ADGRV1: variants seen among roughly 807,000 people sequenced by gnomAD.
ADGRV1 encodes the protein adhesion G protein-coupled receptor V1.
A neutral mutation model predicts 596.2 loss-of-function variants in ADGRV1; 359 were observed. The observed-to-expected ratio is 0.60, with a 90% CI of 0.55 to 0.66. ADGRV1 has a LOEUF of 0.66. Ranked by LOEUF, ADGRV1 falls within the 30% of genes least tolerant of loss-of-function variation. The probability of loss-of-function intolerance (pLI) is 0.00; values close to 1 mark genes in which losing one functional copy is unlikely to be tolerated. For synonymous variants in ADGRV1, 2,681 were observed against 2,679.2 expected (o/e 1.00, Z -0.02); for missense variants, 7,274 against 7,575.6 (o/e 0.96, Z 1.48).
intron 83 of ADGRV1, 23 bp from the exon 84 acceptor site, chr5:90,965,392 A>C: frequency 7.2e-7 from 1 of 1,387,450 alleles, no homozygotes; most frequent in Non-Finnish European, 1.0e-6. Flanking sequence ...TATTTTAAAA[A>C]TAGAAGTATC....
intron 36 of ADGRV1, 88 bp from the exon 37 acceptor site, chr5:90,705,312 A>C: frequency 9.4e-7 from 1 of 1,059,064 alleles, no homozygotes; most frequent in African/African-American, 1.6e-5. Flanking sequence ...ACTTTTGATT[A>C]CCTTAATGTT....
chr5:90,645,137 G>C (rs1016801342), intron 15 of ADGRV1, among the ~76,000 whole-genome samples: 1 of 152,146 alleles, frequency 6.6e-6, no homozygotes, highest in Admixed American at 6.5e-5. Context: ...CGAAGCCCTC[G>C]GCTTGTATTT....
chr5:90,987,939 G>C (rs191315077), intron 85 of ADGRV1, among the ~76,000 whole-genome samples: 1 of 152,248 alleles, frequency 6.6e-6, no homozygotes, highest in East Asian at 1.9e-4. Context: ...CAGCCCTGAA[G>C]TCTAATTTTT....
intron 1 of ADGRV1, among the ~76,000 whole-genome samples, chr5:90,564,547 A>G (rs1755286285): frequency 6.6e-6 from 1 of 152,182 alleles, no homozygotes; most frequent in South Asian, 2.1e-4. Flanking sequence ...ATTGTTTTTT[A>G]AATTGATAGA....
intron 1 of ADGRV1, among the ~76,000 whole-genome samples, chr5:90,561,554 A>G (rs1208048364): frequency 6.6e-6 from 1 of 152,166 alleles, no homozygotes; most frequent in Non-Finnish European, 1.5e-5. Context: ...AGGATGCAAA[A>G]TCCTTGAAGA....
At chr5:90,913,323 A>C (rs1183862261) in intron 83 of ADGRV1, among the ~76,000 whole-genome samples, 2 of 152,216 alleles carry the variant, frequency 1.3e-5, no homozygotes, top group African/African-American at 4.8e-5. Context: ...TATGAATTTC[A>C]CATCTGGCCC....
rs1017548979 is a variant in ADGRV1 at position 90,617,850 on chromosome 5, C to T, written c.254C>T (p.Ala85Val). 1.2e-6 allele frequency: 2 copies of T among 1,600,374 alleles called. No individual in the cohort carries two copies. Among genetic ancestry groups the T allele is most frequent in the East Asian group, 2.2e-5 (1 of 44,654 alleles). ...GACTTTTTTGACACATATGCTGCAG[C>T]TTTTATACCTGCCGGAGAAACAAAC... is the stretch of plus-strand genomic sequence containing the variant. ...AGDFFDTYAA[A>V]FIPAGETNRT... The change falls in exon 3 of 90, where the codon GCT (alanine) becomes GTT (valine). Residue 85 changes from alanine to valine, a missense_variant. Physicochemically the swap from Ala to Val is moderately conservative, Grantham distance 64. Transcript: ENST00000405460.
intron 84 of ADGRV1, among the ~76,000 whole-genome samples, chr5:90,970,758 AAC>A (rs1241092295): frequency 6.6e-6 from 1 of 152,124 alleles, no homozygotes; most frequent in Non-Finnish European, 1.5e-5. Flanking sequence ...ATGGGGAAAA[AAC>A]ACAGCAGAAA....
At chr5:90,616,674 G>T (rs570988639) in intron 2 of ADGRV1, among the ~76,000 whole-genome samples, 1 of 152,068 alleles carries the variant, frequency 6.6e-6, no homozygotes, top group Non-Finnish European at 1.5e-5. Flanking sequence ...GGGAATTGGG[G>T]AATATCCCCA....
At chr5:90,782,069 A>G (rs1038613649) in intron 65 of ADGRV1, among the ~76,000 whole-genome samples, 4 of 152,208 alleles carry the variant, frequency 2.6e-5, no homozygotes, top group Non-Finnish European at 5.9e-5. Flanking sequence ...TAGAAGCAGA[A>G]TACAGAATAT....
intron 1 of ADGRV1, among the ~76,000 whole-genome samples, chr5:90,582,965 T>C (rs1259425715): frequency 1.3e-5 from 2 of 152,178 alleles, no homozygotes; most frequent in African/African-American, 4.8e-5. Flanking sequence ...CATTGGGTAG[T>C]GTTAAATTGA....
At chr5:90,880,957 T>A (rs993076348) in intron 83 of ADGRV1, among the ~76,000 whole-genome samples, 1 of 152,232 alleles carries the variant, frequency 6.6e-6, no homozygotes, top group Non-Finnish European at 1.5e-5. Context: ...TTCATGGTTC[T>A]GTCTGGTATA....
chr5:91,126,181 A>G (rs1415735397), intron 87 of ADGRV1, among the ~76,000 whole-genome samples: 1 of 152,202 alleles, frequency 6.6e-6, no homozygotes, highest in Non-Finnish European at 1.5e-5. Context: ...GCTGGCACAG[A>G]GTTCCCAGTA....
At chr5:90,797,668 A>T (rs1167289411) in intron 70 of ADGRV1, among the ~76,000 whole-genome samples, 4 of 152,190 alleles carry the variant, frequency 2.6e-5, no homozygotes, top group Admixed American at 1.3e-4. Flanking sequence ...AATCAACGGA[A>T]TATATCTTCT....
intron 77 of ADGRV1, among the ~76,000 whole-genome samples, chr5:90,834,860 ATTTTCTTTCTTTCTCTTTCTTTCTT>A (rs1212372588): frequency 1.4e-5 from 2 of 144,802 alleles, no homozygotes; most frequent in Non-Finnish European, 3.1e-5. Flanking sequence ...TCCTCTGCCT[ATTTTCTTTCTTTCTCTTTCTTTCTT>A]TTTTCTTTCT....
chr5:90,605,070 T>A (rs1467677699), intron 1 of ADGRV1, among the ~76,000 whole-genome samples: 2 of 151,828 alleles, frequency 1.3e-5, no homozygotes, highest in South Asian at 4.1e-4. Flanking sequence ...CAAACGGGAG[T>A]ACATGAGCTC....
intron 78 of ADGRV1, among the ~76,000 whole-genome samples, chr5:90,841,637 A>T (rs548145579): frequency 1.1e-4 from 16 of 147,792 alleles, no homozygotes; most frequent in East Asian, 1.0e-3. Context: ...GTTATTACTT[A>T]AAAAAAAAGC....
chr5:90,628,835 A>G lies in ADGRV1; in HGVS notation c.1509+3A>G, dbSNP rs769489699. ...CAGAAGTGAGCGAGCCAGCGGAGGT[A>G]TAACCCTTGTTATGCTTTATGCTTG... On this transcript the variant is annotated splice_donor_region_variant and intron_variant, in intron 8 of 89. Transcript: ENST00000405460. 1.2e-6 allele frequency: 2 copies of G among 1,613,256 alleles called. No homozygotes were observed. The highest frequency in any genetic ancestry group is 2.2e-5 in the East Asian group (1 of 44,874).
chr5:90,774,057 G>A (rs1235027561), intron 59 of ADGRV1, 129 bp from the exon 60 acceptor site: 8 of 417,694 alleles, frequency 1.9e-5, no homozygotes, highest in East Asian at 3.6e-5. Flanking sequence ...GCTGCAACTC[G>A]TAATTCTAGT....
Sources: gnomAD v4.1 joint callset for allele counts (sites outside exome capture counted in the v4.1 genomes callset) on GRCh38, gnomAD v4.1.1 for gene constraint, MANE v1.5 for transcripts, NCBI Gene and HGNC (gene_info 2026-07-23, HGNC 2026-07-21) for gene names.